Variants in PTPRO observed in about 807,000 individuals in gnomAD.
PTPRO encodes the protein receptor-type tyrosine-protein phosphatase O.
PTPRO carries 62 observed loss-of-function variants against 145.2 expected under a neutral mutation model. That is an observed-to-expected ratio of 0.43 (90% CI 0.35 to 0.53). PTPRO has a LOEUF of 0.53. PTPRO is among the 20% of genes least tolerant of loss of function. The pLI is 0.01. For synonymous variants in PTPRO, 565 were observed against 514.7 expected (o/e 1.10, Z -1.32); for missense variants, 1,345 against 1,482.7 (o/e 0.91, Z 1.53).
chr12:15,338,857 A>G (rs1866864480), intron 1 of PTPRO, among the ~76,000 whole-genome samples: 1 of 152,174 alleles, frequency 6.6e-6, no homozygotes, highest in African/African-American at 2.4e-5. Flanking sequence ...ACATGTTCAG[A>G]TATTTCCACC....
intron 1 of PTPRO, among the ~76,000 whole-genome samples, chr12:15,405,418 G>A (rs1257002841): frequency 1.3e-5 from 2 of 152,104 alleles, no homozygotes; most frequent in Non-Finnish European, 2.9e-5. Context: ...ATTTCAGTGT[G>A]GTGACAGTGT....
intron 1 of PTPRO, among the ~76,000 whole-genome samples, chr12:15,483,002 T>A (rs570201040): frequency 6.6e-6 from 1 of 152,262 alleles, no homozygotes; most frequent in South Asian, 2.1e-4. Flanking sequence ...ATGAGATGTT[T>A]TTATATATGG....
intron 25 of PTPRO, among the ~76,000 whole-genome samples, chr12:15,590,878 C>T (rs1011248890): frequency 2.6e-5 from 4 of 152,186 alleles, no homozygotes; most frequent in African/African-American, 7.2e-5. Context: ...AGTCCACTGT[C>T]TGGTGAGTAA....
rs543199541 is a variant in PTPRO at position 15,481,092 on chromosome 12, G to A, written c.76-2882G>A. On this transcript the variant is annotated intron_variant, in intron 1 of 26. Transcript: ENST00000281171. ...AGTATTTGTTAAGCTCCATGTATAGGCAGCACATTAAATACCTTTTCTGTT... is the reference window on the plus strand; with the variant it reads ...AGTATTTGTTAAGCTCCATGTATAGACAGCACATTAAATACCTTTTCTGTT... Among the ~76,000 whole-genome samples, 9 of 152,290 alleles carry A rather than the reference G, an allele frequency of 5.9e-5. No individual in the cohort carries two copies. The East Asian group carries it at 1.5e-3, about 26-fold the overall frequency.
chr12:15,357,554 C>A (rs1398135128), intron 1 of PTPRO, among the ~76,000 whole-genome samples: 1 of 151,854 alleles, frequency 6.6e-6, no homozygotes, highest in Admixed American at 6.6e-5. Context: ...AAACAAACAA[C>A]CCCATCAAAA....
chr12:15,547,675 T>C (rs1331613038), intron 13 of PTPRO, among the ~76,000 whole-genome samples: 2 of 152,346 alleles, frequency 1.3e-5, no homozygotes, highest in Admixed American at 1.3e-4. Flanking sequence ...GGAAAATAAC[T>C]GCTCTGCCAA....
chr12:15,421,609 G>A (rs979780384), intron 1 of PTPRO, among the ~76,000 whole-genome samples: 5 of 152,298 alleles, frequency 3.3e-5, no homozygotes, highest in Middle Eastern at 3.4e-3. Context: ...TGGTCAGGTA[G>A]AGAAGAAGAA....
chr12:15,476,434 T>A (rs1028004132), intron 1 of PTPRO, among the ~76,000 whole-genome samples: 1 of 151,956 alleles, frequency 6.6e-6, no homozygotes, highest in African/African-American at 2.4e-5. Context: ...CTTGTAAATT[T>A]GTTTGAGTTC....
At chr12:15,522,995 G>A (rs759375965) in intron 10 of PTPRO, among the ~76,000 whole-genome samples, 59 of 152,190 alleles carry the variant, frequency 3.9e-4, no homozygotes, top group South Asian at 6.2e-4. Flanking sequence ...AGGCTATAAG[G>A]AAGCCAAGGT....
chr12:15,561,150 T>C (rs892954165), intron 17 of PTPRO, among the ~76,000 whole-genome samples: 5 of 152,036 alleles, frequency 3.3e-5, no homozygotes, highest in African/African-American at 9.7e-5. Flanking sequence ...ATACCTAGTG[T>C]TTAGGTACTA....
At chr12:15,526,963 CTA>C (rs1942852498) in intron 12 of PTPRO, among the ~76,000 whole-genome samples, 1 of 151,810 alleles carries the variant, frequency 6.6e-6, no homozygotes, top group Non-Finnish European at 1.5e-5. Flanking sequence ...AGAATAAAAA[CTA>C]GAGTTAAAAT....
intron 16 of PTPRO, among the ~76,000 whole-genome samples, chr12:15,558,645 C>A (rs923013075): frequency 6.6e-6 from 1 of 152,106 alleles, no homozygotes; most frequent in Non-Finnish European, 1.5e-5. Context: ...GAATATATGT[C>A]ATATTAATCA....
intron 19 of PTPRO, among the ~76,000 whole-genome samples, chr12:15,573,231 G>A (rs1266600422): frequency 6.6e-6 from 1 of 152,152 alleles, no homozygotes; most frequent in East Asian, 1.9e-4. Flanking sequence ...GAGTTTGAAG[G>A]CAATGGGGAG....
At chr12:15,539,482 T>C (rs1280051246) in intron 12 of PTPRO, among the ~76,000 whole-genome samples, 1 of 152,034 alleles carries the variant, frequency 6.6e-6, no homozygotes, top group African/African-American at 2.4e-5. Flanking sequence ...TAGGTAAGGC[T>C]GGGCACAGTG....
At position 15,322,719 on chromosome 12, in the gene PTPRO, G is replaced by A. The variant is rs372854549; in HGVS notation, c.-8G>A. The A allele has an allele frequency of 4.3e-6, 7 of 1,610,240 alleles. No homozygotes were observed. Among genetic ancestry groups the A allele is most frequent in the East Asian group, 4.5e-5 (2 of 44,782 alleles). ...CAGCCGTGCCCCCGAGTCCCCGTCC[G>A]CGCAGCGATGGGGCACCTGCCCACG... On this transcript the variant is annotated 5_prime_UTR_variant, in exon 1 of 27. Coordinates refer to ENST00000281171, the MANE Select transcript of PTPRO (RefSeq NM_030667.3). The surrounding 1 kb of genome is among the most constrained non-coding windows in gnomAD (Gnocchi z 6.3).
intron 3 of PTPRO, among the ~76,000 whole-genome samples, chr12:15,498,007 A>G (rs545162075): frequency 7.3e-5 from 11 of 151,252 alleles, no homozygotes; most frequent in African/African-American, 2.7e-4. Context: ...GGGAGAGGGA[A>G]GAGAGGGCAT....
intron 1 of PTPRO, among the ~76,000 whole-genome samples, chr12:15,469,428 G>T (rs1039357769): frequency 2.6e-5 from 4 of 152,156 alleles, no homozygotes; most frequent in African/African-American, 9.7e-5. Context: ...TTTGGAATTT[G>T]CCTGATCACT....
intron 15 of PTPRO, 82 bp downstream of exon 15, chr12:15,551,753 A>G: frequency 6.8e-7 from 1 of 1,464,982 alleles, no homozygotes. Context: ...TTGCACACCT[A>G]AGTTGTATAG....
intron 19 of PTPRO, 54 bp downstream of exon 19, chr12:15,569,552 G>A: frequency 6.7e-7 from 1 of 1,490,380 alleles, no homozygotes; most frequent in Non-Finnish European, 9.4e-7. Context: ...CCTGGGAATT[G>A]GGGGGTTTGT....
Sources: allele counts gnomAD v4.1 joint callset (sites outside exome capture counted in the v4.1 genomes callset), GRCh38; gene constraint gnomAD v4.1.1; non-coding constraint Gnocchi (gnomAD v3.1); transcripts MANE v1.5; gene names NCBI Gene and HGNC (gene_info 2026-07-23, HGNC 2026-07-21).